The following COL13A1 variants were observed in gnomAD, a reference collection of about 807,000 sequenced individuals.
COL13A1 encodes collagen alpha-1(XIII) chain.
A neutral mutation model predicts 130.9 loss-of-function variants in COL13A1; 89 were observed. The ratio of observed to expected loss-of-function variants is 0.68; its 90% CI spans 0.57 to 0.81. The LOEUF (loss-of-function observed/expected upper bound fraction) is 0.81. Among genes scored for constraint, COL13A1 ranks in the 30% least tolerant of loss-of-function variants. The probability of loss-of-function intolerance (pLI) is 0.00; values close to 1 mark genes in which losing one functional copy is unlikely to be tolerated. For synonymous variants in COL13A1, 402 were observed against 341.6 expected (o/e 1.18, Z -1.95); for missense variants, 879 against 934.6 (o/e 0.94, Z 0.78).
chr10:69,918,263 T>C (rs2064177550), intron 18 of COL13A1, 22 bp from the exon 19 acceptor site: 1 of 1,574,160 alleles, frequency 6.4e-7, no homozygotes, highest in South Asian at 1.1e-5. Flanking sequence ...TCTTCAGACC[T>C]TTTTTTTTCT....
At chr10:69,827,934 T>C (rs1057458228) in intron 2 of COL13A1, among the ~76,000 whole-genome samples, 1 of 152,202 alleles carries the variant, frequency 6.6e-6, no homozygotes, top group African/African-American at 2.4e-5. Flanking sequence ...GTCCTTCTTA[T>C]TTCAGACTTG....
chr10:69,829,310 CT>C, intron 2 of COL13A1: 1 of 960,234 alleles, frequency 1.0e-6, no homozygotes, highest in Non-Finnish European at 1.2e-6. Context: ...TGATGTATAA[CT>C]CCAGATAACC....
At chr10:69,809,455 T>A (rs775108268) in intron 1 of COL13A1, among the ~76,000 whole-genome samples, 5 of 152,236 alleles carry the variant, frequency 3.3e-5, no homozygotes, top group Non-Finnish European at 7.3e-5. Context: ...AATAATCCTA[T>A]GAAGTGGTTA....
At chr10:69,866,127 C>T (rs1230876218) in intron 2 of COL13A1, among the ~76,000 whole-genome samples, 1 of 152,210 alleles carries the variant, frequency 6.6e-6, no homozygotes, top group East Asian at 1.9e-4. Flanking sequence ...GGGGTGCACC[C>T]AGCAAACTGC....
intron 7 of COL13A1, among the ~76,000 whole-genome samples, chr10:69,882,342 C>A (rs1238621252): frequency 2.0e-5 from 3 of 152,250 alleles, no homozygotes; most frequent in African/African-American, 7.2e-5. Flanking sequence ...TTGAAAACCT[C>A]CACTGCTGTA....
rs2065017500 is a variant in COL13A1, at chr10:69,923,931, TAGGGGTATCCCTC to T, written c.1284+81_1284+93del. On this transcript the variant is annotated intron_variant, in intron 24 of 40. Coordinates refer to ENST00000645393, the MANE Select transcript of COL13A1 (RefSeq NM_001368882.1). ...GGTCAAGAATCATCCCGGCCGACCCTAGGGGTATCCCTCAGGGCACAAGGCTGACCGGCCATGA... is the reference window on the plus strand; with the variant it reads ...GGTCAAGAATCATCCCGGCCGACCCTAGGGCACAAGGCTGACCGGCCATGA... 18 of 1,546,148 alleles carry T rather than the reference TAGGGGTATCCCTC, an allele frequency of 1.2e-5. No homozygotes were observed. In the South Asian group the frequency reaches 2.1e-4, roughly 18 times the overall value.
intron 17 of COL13A1, among the ~76,000 whole-genome samples, chr10:69,908,467 T>G (rs1211329613): frequency 1.3e-5 from 2 of 152,134 alleles, no homozygotes; most frequent in African/African-American, 4.8e-5. Context: ...TCTTTCAAGC[T>G]GTGAAGGAGT....
rs79949000 is a variant in COL13A1, at chr10:69,867,501, C to T, written c.365-297C>T. Among the ~76,000 whole-genome samples the T allele has an allele frequency of 0.053, 8,025 of 152,310 alleles. 279 individuals carry two copies. The highest frequency in any genetic ancestry group is 0.097 in the Admixed American group (1,486 of 15,304). On this transcript the variant is annotated intron_variant, in intron 2 of 40. Transcript: ENST00000645393. ...GCCTTGTACACAAGTTCAGGCAGGT[C>T]CCGTAGAGCCCGTTTTGTGGGGTGG...
At chr10:69,913,787 T>C (rs889405838) in intron 17 of COL13A1, among the ~76,000 whole-genome samples, 1 of 147,292 alleles carries the variant, frequency 6.8e-6, no homozygotes, top group Non-Finnish European at 1.5e-5. Context: ...GTGAGCCTAA[T>C]GAGAGTGGAG....
intron 17 of COL13A1, among the ~76,000 whole-genome samples, chr10:69,913,893 G>T (rs558028590): frequency 1.3e-5 from 2 of 152,038 alleles, no homozygotes; most frequent in South Asian, 4.2e-4. Flanking sequence ...CCTGCCATGG[G>T]GATCAAGGAA....
intron 5 of COL13A1, chr10:69,877,697 T>TCACA (rs1298084811): frequency 1.1e-3 from 106 of 99,896 alleles, no homozygotes; most frequent in East Asian, 8.5e-3. Flanking sequence ...TCTCTCTCTC[T>TCACA]CTCACACACA....
At chr10:69,893,158 C>T (rs189665283) in intron 10 of COL13A1, among the ~76,000 whole-genome samples, 9 of 152,330 alleles carry the variant, frequency 5.9e-5, no homozygotes, top group African/African-American at 2.2e-4. Flanking sequence ...TGAGAGCAGC[C>T]TGGGCAACAT....
intron 4 of COL13A1, among the ~76,000 whole-genome samples, chr10:69,872,603 G>C (rs868011352): frequency 1.3e-5 from 2 of 152,180 alleles, no homozygotes; most frequent in Non-Finnish European, 2.9e-5. Context: ...TTCCTCCTAT[G>C]CCTGCTGATA....
intron 31 of COL13A1, among the ~76,000 whole-genome samples, chr10:69,933,687 T>A (rs16927087): frequency 0.057 from 8,707 of 152,192 alleles, 488 homozygotes; most frequent in African/African-American, 0.13. Flanking sequence ...CCTAAAGAAA[T>A]GATCCTAATT....
chr10:69,842,390 A>C (rs1851843798), intron 2 of COL13A1, among the ~76,000 whole-genome samples: 1 of 152,204 alleles, frequency 6.6e-6, no homozygotes, highest in Non-Finnish European at 1.5e-5. Context: ...AGAAGCGGTA[A>C]AAACGGACTA....
chr10:69,826,249 G>A (rs1847455469), intron 2 of COL13A1, among the ~76,000 whole-genome samples: 1 of 152,218 alleles, frequency 6.6e-6, no homozygotes. Context: ...CAAGTCCAGG[G>A]TGGGGCAGGC....
chr10:69,865,171 A>G (rs775209460), intron 2 of COL13A1, among the ~76,000 whole-genome samples: 1 of 152,210 alleles, frequency 6.6e-6, no homozygotes, highest in Non-Finnish European at 1.5e-5. Flanking sequence ...CTGGATGGTC[A>G]TGAATCTCCC....
intron 2 of COL13A1, among the ~76,000 whole-genome samples, chr10:69,854,656 G>C (rs142069580): frequency 2.4e-4 from 37 of 152,088 alleles, no homozygotes; most frequent in African/African-American, 8.7e-4. Context: ...TTCACTTGCA[G>C]TTGTACTGAG....
At chr10:69,872,478 C>T (rs1179055137) in intron 4 of COL13A1, among the ~76,000 whole-genome samples, 1 of 152,224 alleles carries the variant, frequency 6.6e-6, no homozygotes, top group Non-Finnish European at 1.5e-5. Context: ...GCAGATCCTT[C>T]CAAAGCTGCA....
Sources: gnomAD v4.1 joint callset for allele counts (sites outside exome capture counted in the v4.1 genomes callset) on GRCh38, gnomAD v4.1.1 for gene constraint, MANE v1.5 for transcripts, NCBI Gene and HGNC (gene_info 2026-07-23, HGNC 2026-07-21) for gene names.